Variants in CACNA1D observed in about 807,000 individuals in gnomAD.
CACNA1D encodes the protein calcium voltage-gated channel subunit alpha1 D.
In CACNA1D, 55 loss-of-function variants were observed where a neutral mutation model predicts 257.1. That is an observed-to-expected ratio of 0.21 (90% CI 0.17 to 0.27). The LOEUF (loss-of-function observed/expected upper bound fraction) is 0.27. Ranked by LOEUF, CACNA1D falls within the 10% of genes least tolerant of loss-of-function variation. The pLI, the probability that CACNA1D is intolerant of heterozygous loss-of-function variation, is 1.00. For synonymous variants in CACNA1D, 980 were observed against 1,014.9 expected, an observed-to-expected ratio of 0.97 and a Z score of 0.65; for missense variants, 1,876 against 2,784.0, an observed-to-expected ratio of 0.67 and a Z score of 7.34.
chr3:53,753,709 GGTT>G (rs753356299), intron 29 of CACNA1D, 27 bp downstream of exon 29: 5 of 1,369,282 alleles, frequency 3.7e-6, no homozygotes, highest in Non-Finnish European at 4.2e-6. Flanking sequence ...ACTTTTCAAA[GGTT>G]GTTGCTGAGT....
intron 3 of CACNA1D, among the ~76,000 whole-genome samples, chr3:53,642,222 G>A (rs1230279319): frequency 6.6e-6 from 1 of 152,142 alleles, no homozygotes; most frequent in Non-Finnish European, 1.5e-5. Flanking sequence ...TTTTGGCTTG[G>A]CTTCCCTTGG....
At chr3:53,596,430 T>C (rs945067051) in intron 3 of CACNA1D, among the ~76,000 whole-genome samples, 11 of 152,198 alleles carry the variant, frequency 7.2e-5, no homozygotes, top group South Asian at 2.1e-4. Flanking sequence ...TTTTGGAAAA[T>C]GGCCCCCCCC....
intron 9 of CACNA1D, 97 bp from the exon 10 acceptor site, chr3:53,718,204 C>T (rs1237641623): frequency 9.8e-7 from 1 of 1,016,910 alleles, no homozygotes; most frequent in Non-Finnish European, 1.6e-6. Flanking sequence ...CTCCTGGGTT[C>T]CGGAGGTCTG....
At chr3:53,579,971 C>T (rs961417751) in intron 3 of CACNA1D, among the ~76,000 whole-genome samples, 2 of 152,258 alleles carry the variant, frequency 1.3e-5, no homozygotes, top group African/African-American at 4.8e-5. Context: ...GGCTTCATTC[C>T]AGTCACATGG....
rs542147438 is a variant in CACNA1D, at chr3:53,707,433, T to A, written c.1390+4623T>A. On this transcript the variant is annotated intron_variant, in intron 9 of 47. Transcript: ENST00000350061. ...TCACTTGAAAGAAGAGGAGAGGCAA[T>A]CAGGCCTCTAACTGAGCTGTCTGGT... Among the ~76,000 whole-genome samples the A allele has an allele frequency of 1.6e-3, 247 of 152,238 alleles. 1 individual carries two copies. Among genetic ancestry groups the A allele is most frequent in the Middle Eastern group, 3.4e-3 (1 of 294 alleles).
chr3:53,650,988 T>G, intron 4 of CACNA1D, 70 bp downstream of exon 4: 6 of 1,189,770 alleles, frequency 5.0e-6, no homozygotes, highest in Non-Finnish European at 7.5e-6. Context: ...GGGGTGGTGG[T>G]AACAAAACAG....
chr3:53,595,083 G>A (rs2093354003), intron 3 of CACNA1D, among the ~76,000 whole-genome samples: 3 of 152,150 alleles, frequency 2.0e-5, no homozygotes, highest in African/African-American at 7.2e-5. Context: ...TCTATACATT[G>A]GTCATCTATT....
intron 3 of CACNA1D, among the ~76,000 whole-genome samples, chr3:53,547,405 T>C (rs1385024311): frequency 6.6e-6 from 1 of 152,164 alleles, no homozygotes; most frequent in Non-Finnish European, 1.5e-5. Flanking sequence ...TATTATGGCG[T>C]CAATTGATTC....
chr3:53,563,448 C>T (rs940413517), intron 3 of CACNA1D, among the ~76,000 whole-genome samples: 42 of 151,038 alleles, frequency 2.8e-4, no homozygotes, highest in Middle Eastern at 3.4e-3. Flanking sequence ...CACTTGAACC[C>T]GGGAGGCAGA....
chr3:53,687,628 A>G (rs1232549782), intron 8 of CACNA1D, among the ~76,000 whole-genome samples: 2 of 152,212 alleles, frequency 1.3e-5, no homozygotes, highest in Admixed American at 6.5e-5. Context: ...CTAATTAAAA[A>G]GCTAAACATA....
At chr3:53,625,945 G>T (rs79069266) in intron 3 of CACNA1D, among the ~76,000 whole-genome samples, 3,793 of 152,226 alleles carry the variant, frequency 0.025, 125 homozygotes, top group East Asian at 0.083. Flanking sequence ...GAGTGTGTGT[G>T]GGGTGCACAT....
At chr3:53,627,951 G>A (rs368235268) in intron 3 of CACNA1D, among the ~76,000 whole-genome samples, 2 of 152,038 alleles carry the variant, frequency 1.3e-5, no homozygotes, top group Non-Finnish European at 1.5e-5. Flanking sequence ...CCTGGGAGGC[G>A]GAGGTTGTGG....
chr3:53,811,633 A>G lies in CACNA1D; in HGVS notation c.*227A>G, dbSNP rs1176882909. The G allele has an allele frequency of 4.4e-6, 2 of 456,836 alleles. No individual in the cohort carries two copies. The highest frequency in any genetic ancestry group is 7.7e-6 in the Non-Finnish European group (2 of 258,712). The allele number at this position is 456,836 out of a possible 1,614,324, so 28.3% of individuals were successfully genotyped here. ...CCATGCGCTCGGCCCCAGCTGCAGG[A>G]AACAGCAGGCCCCGCCCTCTCACAG... is the stretch of plus-strand genomic sequence containing the variant. On this transcript the variant is annotated 3_prime_UTR_variant, in exon 48 of 48. Coordinates refer to ENST00000350061, the MANE Select transcript of CACNA1D (RefSeq NM_001128840.3). This position sits in a 1 kb window ranked among gnomAD's most constrained non-coding sequence, Gnocchi z 4.2.
At chr3:53,702,941 T>C in intron 9 of CACNA1D, 131 bp downstream of exon 9, 1 of 921,104 alleles carries the variant, frequency 1.1e-6, no homozygotes. Context: ...TGGTCCCTTC[T>C]GCCTGCACAC....
chr3:53,804,922 G>T, intron 44 of CACNA1D, 61 bp from the exon 45 acceptor site: 1 of 1,477,714 alleles, frequency 6.8e-7, no homozygotes, highest in Admixed American at 1.7e-5. Flanking sequence ...TGTCAGTCTG[G>T]CAGGGTTGAG....
At chr3:53,681,432 TC>T (rs1232192158) in intron 8 of CACNA1D, among the ~76,000 whole-genome samples, 2 of 152,170 alleles carry the variant, frequency 1.3e-5, no homozygotes, top group Non-Finnish European at 2.9e-5. Context: ...GATCCTTTTT[TC>T]TCCCTCTCTC....
At chr3:53,543,358 G>A (rs558446448) in intron 3 of CACNA1D, among the ~76,000 whole-genome samples, 36 of 152,216 alleles carry the variant, frequency 2.4e-4, no homozygotes, top group African/African-American at 8.7e-4. Flanking sequence ...TTTCTGTCAG[G>A]GTGAGGAGAA....
intron 3 of CACNA1D, among the ~76,000 whole-genome samples, chr3:53,626,130 A>C (rs1210956633): frequency 6.6e-6 from 1 of 152,168 alleles, no homozygotes; most frequent in Non-Finnish European, 1.5e-5. Flanking sequence ...TTCTAATTAA[A>C]AGGGGGACCC....
chr3:53,734,853 C>T (rs1383870838), intron 19 of CACNA1D, among the ~76,000 whole-genome samples: 1 of 152,196 alleles, frequency 6.6e-6, no homozygotes, highest in East Asian at 1.9e-4. Context: ...TCAGTTACTG[C>T]AGGTCACTAT....
Sources: gnomAD v4.1 joint callset for allele counts (sites outside exome capture counted in the v4.1 genomes callset) on GRCh38, gnomAD v4.1.1 for gene constraint, Gnocchi (gnomAD v3.1) non-coding constraint, MANE v1.5 for transcripts, NCBI Gene and HGNC (gene_info 2026-07-23, HGNC 2026-07-21) for gene names.